MRPS9: variants seen among roughly 807,000 people sequenced by gnomAD.
The protein encoded by MRPS9 is small ribosomal subunit protein uS9m.
In MRPS9, 45 loss-of-function variants were observed where a neutral mutation model predicts 59.9. That is an observed-to-expected ratio of 0.75 (90% CI 0.59 to 0.96). The LOEUF (loss-of-function observed/expected upper bound fraction) is 0.96. MRPS9 is among the 40% of genes least tolerant of loss of function. MRPS9 has a pLI of 0.00. For synonymous variants in MRPS9, 171 were observed against 166.8 expected (o/e 1.03, Z -0.19); for missense variants, 473 against 481.1 (o/e 0.98, Z 0.16).
intron 2 of MRPS9, among the ~76,000 whole-genome samples, chr2:105,057,506 A>G (rs1679817067): frequency 6.6e-6 from 1 of 152,220 alleles, no homozygotes; most frequent in Admixed American, 6.5e-5. Flanking sequence ...TGGAAACTGA[A>G]GAACTAAGCC....
chr2:105,072,410 C>CTTT (rs572139367), intron 4 of MRPS9, among the ~76,000 whole-genome samples: 1 of 146,978 alleles, frequency 6.8e-6, no homozygotes. Flanking sequence ...GTTGACACAA[C>CTTT]TTTTTTTTTT....
intron 5 of MRPS9, among the ~76,000 whole-genome samples, chr2:105,086,518 G>A (rs904974368): frequency 5.3e-5 from 8 of 152,156 alleles, no homozygotes; most frequent in South Asian, 2.1e-4. Context: ...TAAAACTTAC[G>A]TACAAGATAG....
Position 105,071,471 on chromosome 2 carries a change from A to AT in MRPS9, c.396dup (p.Pro133SerfsTer32), listed in dbSNP as rs1445296949. ...ATTTATTTTACAGCATCCTGAACAG[A>AT]TTTTTCCAAGACAAAGAGGTAAGTT... On this transcript the variant is annotated frameshift_variant, in exon 4 of 11. Coordinates refer to ENST00000258455, the MANE Select transcript of MRPS9 (RefSeq NM_182640.3). LOFTEE classifies it high-confidence loss of function. 3 of 1,604,736 alleles carry AT rather than the reference A, an allele frequency of 1.9e-6. No homozygotes were observed. The highest frequency in any genetic ancestry group is 2.2e-5 in the East Asian group (1 of 44,696).
At position 105,080,919 on chromosome 2, in the gene MRPS9, AAAAC is replaced by A. The variant is rs1228648819; in HGVS notation, c.489+860_489+863del. Among the ~76,000 whole-genome samples the A allele has an allele frequency of 2.1e-3, 304 of 145,906 alleles. 1 individual carries two copies. Among genetic ancestry groups the A allele is most frequent in the African/African-American group, 5.4e-3 (220 of 40,566 alleles). On this transcript the variant is annotated intron_variant, in intron 5 of 10. Transcript: ENST00000258455. ...ACATTTATTTCTTGGGGGAAAAAAA[AAAAC>A]AACCTTCTTTTCGCTTTTTGTTGAC...
Position 105,068,526 on chromosome 2 carries a change from A to G in MRPS9, c.316-2787A>G, listed in dbSNP as rs540943526. 5.3e-5 allele frequency among the ~76,000 whole-genome samples: 8 copies of G among 152,298 alleles called. No individual in the cohort carries two copies. In the South Asian group the frequency reaches 1.5e-3, roughly 28 times the overall value. ...TAAATATTATTCTTTAATACATAAA[A>G]CATTTACATGCTTCAGGGCTTAACT... On this transcript the variant is annotated intron_variant, in intron 2 of 10. Transcript: ENST00000258455.
intron 2 of MRPS9, among the ~76,000 whole-genome samples, chr2:105,055,836 G>A (rs1415084586): frequency 6.6e-6 from 1 of 152,228 alleles, no homozygotes; most frequent in East Asian, 1.9e-4. Flanking sequence ...CTGCAACAAT[G>A]GGTTATTCCT....
intron 2 of MRPS9, among the ~76,000 whole-genome samples, chr2:105,064,017 T>C (rs1428302162): frequency 2.6e-5 from 4 of 152,224 alleles, no homozygotes; most frequent in Non-Finnish European, 5.9e-5. Flanking sequence ...CAGTTTTGGA[T>C]GTGCTGTTTG....
intron 5 of MRPS9, among the ~76,000 whole-genome samples, chr2:105,081,935 A>G (rs554298692): frequency 1.3e-5 from 2 of 152,322 alleles, no homozygotes; most frequent in African/African-American, 4.8e-5. Context: ...ACATATCACG[A>G]TCATCTGCAG....
chr2:105,039,045 G>A (rs899973843), intron 1 of MRPS9, among the ~76,000 whole-genome samples: 36 of 151,994 alleles, frequency 2.4e-4, no homozygotes, highest in African/African-American at 8.7e-4. Context: ...CAGAGGGACA[G>A]GGCCCTGAAG....
intron 5 of MRPS9, among the ~76,000 whole-genome samples, chr2:105,086,959 A>C (rs1049584254): frequency 6.6e-6 from 1 of 152,076 alleles, no homozygotes; most frequent in Non-Finnish European, 1.5e-5. Context: ...AGGTCATTTG[A>C]GAATTGCTTC....
At chr2:105,040,937 A>C (rs186609142) in intron 1 of MRPS9, among the ~76,000 whole-genome samples, 28 of 152,332 alleles carry the variant, frequency 1.8e-4, no homozygotes, top group Non-Finnish European at 3.1e-4. Flanking sequence ...AAGCTATTCT[A>C]TTCAAGGAAG....
intron 7 of MRPS9, chr2:105,091,458 A>G (rs1428528015): frequency 1.7e-5 from 8 of 458,722 alleles, no homozygotes; most frequent in Non-Finnish European, 3.6e-5. Context: ...CACCCTTACT[A>G]GAAGAGTGCC....
At chr2:105,045,341 CTTT>C (rs539221109) in intron 1 of MRPS9, among the ~76,000 whole-genome samples, 1 of 141,260 alleles carries the variant, frequency 7.1e-6, no homozygotes, top group African/African-American at 2.6e-5. Context: ...AAACCCAATT[CTTT>C]TTTTTTTTTC....
At chr2:105,048,786 G>A (rs915321908) in intron 1 of MRPS9, among the ~76,000 whole-genome samples, 2 of 151,914 alleles carry the variant, frequency 1.3e-5, no homozygotes, top group East Asian at 1.9e-4. Context: ...TTTCTGGTGC[G>A]TGTGTATTTG....
chr2:105,040,616 A>G (rs925378618), intron 1 of MRPS9, among the ~76,000 whole-genome samples: 2 of 152,238 alleles, frequency 1.3e-5, no homozygotes, highest in African/African-American at 4.8e-5. Context: ...TACCTCTTGC[A>G]TAGCAATCTT....
chr2:105,094,667 T>C (rs796265729), intron 9 of MRPS9, among the ~76,000 whole-genome samples: 1 of 152,226 alleles, frequency 6.6e-6, no homozygotes, highest in East Asian at 1.9e-4. Context: ...CTTAACTCCA[T>C]TTAAGATGAA....
intron 10 of MRPS9, chr2:105,099,277 T>C (rs1482832480): frequency 6.4e-6 from 1 of 156,402 alleles, no homozygotes; most frequent in Non-Finnish European, 1.4e-5. Flanking sequence ...TCTCTGCCTC[T>C]TGTCTCCATT....
intron 6 of MRPS9, among the ~76,000 whole-genome samples, chr2:105,089,697 G>T (rs1193025353): frequency 6.6e-6 from 1 of 152,106 alleles, no homozygotes; most frequent in Non-Finnish European, 1.5e-5. Flanking sequence ...TTCCATAGTG[G>T]CATATTTAAC....
chr2:105,085,326 G>T (rs1680426010), intron 5 of MRPS9, among the ~76,000 whole-genome samples: 1 of 152,062 alleles, frequency 6.6e-6, no homozygotes, highest in Non-Finnish European at 1.5e-5. Flanking sequence ...TTAAGAAATT[G>T]ATTTTCTGTG....
Sources: allele counts gnomAD v4.1 joint callset (sites outside exome capture counted in the v4.1 genomes callset), GRCh38; gene constraint gnomAD v4.1.1; transcripts MANE v1.5; gene names NCBI Gene and HGNC (gene_info 2026-07-23, HGNC 2026-07-21).